FRAS1: variants seen among roughly 807,000 people sequenced by gnomAD.
The protein encoded by FRAS1 is Fraser extracellular matrix complex subunit 1.
In FRAS1, 290 loss-of-function variants were observed where a neutral mutation model predicts 435.2. The observed-to-expected ratio is 0.67, with a 90% CI of 0.61 to 0.73. The LOEUF is 0.73. Ranked by LOEUF, FRAS1 falls within the 30% of genes least tolerant of loss-of-function variation. The pLI is 0.00. For synonymous variants in FRAS1, 1,800 were observed against 1,851.0 expected (o/e 0.97, Z 0.71); for missense variants, 4,860 against 5,001.5 (o/e 0.97, Z 0.85).
intron 4 of FRAS1, among the ~76,000 whole-genome samples, chr4:78,245,711 T>C (rs1328481952): frequency 1.3e-5 from 2 of 152,208 alleles, no homozygotes; most frequent in African/African-American, 4.8e-5. Context: ...TGCAAAGAGC[T>C]TAGGTACTTG....
At chr4:78,538,545 C>T (rs947719444) in intron 72 of FRAS1, among the ~76,000 whole-genome samples, 2 of 152,150 alleles carry the variant, frequency 1.3e-5, no homozygotes, top group Non-Finnish European at 2.9e-5. Flanking sequence ...CATTGACTTA[C>T]AGTTCAGCAT....
chr4:78,237,692 A>C (rs921530823), intron 3 of FRAS1, 75 bp downstream of exon 3: 1 of 667,326 alleles, frequency 1.5e-6, no homozygotes, highest in Non-Finnish European at 2.4e-6. Context: ...CATTTCAGAC[A>C]TCTGTTTTTG....
Position 78,359,461 on chromosome 4 carries a change from CTTA to C in FRAS1, c.2423-4046_2423-4044del, listed in dbSNP as rs368219435. Among the ~76,000 whole-genome samples the C allele has an allele frequency of 8.9e-4, 136 of 152,226 alleles. 1 individual carries two copies. The East Asian group carries it at 0.012, about 13-fold the overall frequency. ...AAAAGTGTTCCCTAGGTTTTGGGGA[CTTA>C]TTATTCTTTTTGGCTTGATTTAATA... On this transcript the variant is annotated intron_variant, in intron 20 of 73. Coordinates refer to ENST00000512123, the MANE Select transcript of FRAS1 (RefSeq NM_025074.7).
intron 27 of FRAS1, among the ~76,000 whole-genome samples, chr4:78,382,067 A>G (rs1258076911): frequency 6.6e-6 from 1 of 152,148 alleles, no homozygotes; most frequent in Non-Finnish European, 1.5e-5. Flanking sequence ...ATTCTTTAGG[A>G]TTGGATTCCT....
At chr4:78,281,939 G>C (rs1448399237) in intron 11 of FRAS1, among the ~76,000 whole-genome samples, 1 of 152,132 alleles carries the variant, frequency 6.6e-6, no homozygotes, top group South Asian at 2.1e-4. Flanking sequence ...ATCTCAAGAC[G>C]GGTCCGCTTT....
At chr4:78,337,216 C>G (rs1578260434) in intron 19 of FRAS1, among the ~76,000 whole-genome samples, 1 of 152,104 alleles carries the variant, frequency 6.6e-6, no homozygotes, top group East Asian at 1.9e-4. Flanking sequence ...AGAGAAGTTG[C>G]AGTATAGTTT....
chr4:78,287,667 G>A lies in FRAS1; in HGVS notation c.1534+1128G>A, dbSNP rs566669054. 5.3e-5 allele frequency among the ~76,000 whole-genome samples: 8 copies of A among 152,262 alleles called. 2 individuals are homozygous for A. The highest frequency in any genetic ancestry group is 1.9e-4 in the African/African-American group (8 of 41,534). On this transcript the variant is annotated intron_variant, in intron 14 of 73. Coordinates refer to ENST00000512123, the MANE Select transcript of FRAS1 (RefSeq NM_025074.7). ...AAATCATTTGCAGGAAAATGATTGA[G>A]GTTAAAAAGGCTAAGTTCATGGTAT...
In FRAS1 at chr4:78,245,408, G is replaced by T. The variant is rs149844522; in HGVS notation, c.309+83G>T. On this transcript the variant is annotated intron_variant, in intron 4 of 73. Transcript: ENST00000512123. ...AGCTGAATGTTAAACTTGTGTTGATGAGAGTTTTTTTCTTTGCCTGGATTG... is the reference window on the plus strand; with the variant it reads ...AGCTGAATGTTAAACTTGTGTTGATTAGAGTTTTTTTCTTTGCCTGGATTG... 29 of 999,892 alleles carry T rather than the reference G, an allele frequency of 2.9e-5. No homozygotes were observed. The East Asian group carries it at 7.3e-4, about 25-fold the overall frequency. The allele number at this position is 999,892 out of a possible 1,614,324, so 61.9% of individuals were successfully genotyped here.
intron 2 of FRAS1, among the ~76,000 whole-genome samples, chr4:78,118,354 C>T (rs144110622): frequency 0.061 from 9,257 of 152,228 alleles, 763 homozygotes; most frequent in African/African-American, 0.19. Flanking sequence ...CTCTCCTCAA[C>T]GCTGTCAGAC....
chr4:78,407,628 G>A (rs1733150669), intron 30 of FRAS1, 35 bp from the exon 31 acceptor site: 1 of 1,544,372 alleles, frequency 6.5e-7, no homozygotes, highest in Non-Finnish European at 8.7e-7. Context: ...TTTTCCTAGG[G>A]ACCCTCACTA....
chr4:78,207,231 TCTTTTGTTGTTTTCTTTTGGAGA>T lies in FRAS1; in HGVS notation c.109-30276_109-30254del, dbSNP rs1213701555. ...TACTTCAATTAAAACTTTTTCTTCT[TCTTTTGTTGTTTTCTTTTGGAGA>T]CTAATCCAAGGAGAATAAGAATGCA... is the stretch of plus-strand genomic sequence containing the variant. On this transcript the variant is annotated intron_variant, in intron 2 of 73. Transcript: ENST00000512123. Among the ~76,000 whole-genome samples, 6 of 152,226 alleles carry T rather than the reference TCTTTTGTTGTTTTCTTTTGGAGA, an allele frequency of 3.9e-5. No homozygotes were observed. In the South Asian group the frequency reaches 1.2e-3, roughly 32 times the overall value.
chr4:78,093,847 A>G (rs1043099205), intron 2 of FRAS1, among the ~76,000 whole-genome samples: 10 of 152,284 alleles, frequency 6.6e-5, no homozygotes, highest in East Asian at 3.9e-4. Context: ...ATTTTTGGTT[A>G]TTTCTGTTAA....
chr4:78,472,847 T>G (rs975193611), intron 52 of FRAS1, among the ~76,000 whole-genome samples: 10 of 152,164 alleles, frequency 6.6e-5, no homozygotes, highest in Non-Finnish European at 1.5e-4. Context: ...CCTCTAGACT[T>G]TTTTCAGGAT....
Position 78,304,068 on chromosome 4 carries a change from G to A in FRAS1, c.1535-3998G>A, listed in dbSNP as rs555276359. ...TTATTGAGAGTTTTTAGCATGAAGT[G>A]TTGTTGAATTTTGTCAAAGGCCTTT... On this transcript the variant is annotated intron_variant, in intron 14 of 73. Transcript: ENST00000512123. Among the ~76,000 whole-genome samples, 786 of 150,632 alleles carry A rather than the reference G, an allele frequency of 5.2e-3. 6 individuals are homozygous for A. Among genetic ancestry groups the A allele is most frequent in the African/African-American group, 0.018 (739 of 40,854 alleles).
chr4:78,267,947 T>G lies in FRAS1; in HGVS notation c.981+515T>G, dbSNP rs547837800. On this transcript the variant is annotated intron_variant, in intron 9 of 73. Coordinates refer to ENST00000512123, the MANE Select transcript of FRAS1 (RefSeq NM_025074.7). The stretch of plus-strand genomic sequence containing the variant: ...GAGCAAAGGGGACCTTATAAACAAT[T>G]AACTCCATTGACCTCTGTTAACCTC... Among the ~76,000 whole-genome samples the G allele has an allele frequency of 4.6e-5, 7 of 152,356 alleles. 1 individual carries two copies. Among genetic ancestry groups the G allele is most frequent in the African/African-American group, 1.7e-4 (7 of 41,578 alleles).
chr4:78,058,790 A>G (rs1739599991), intron 1 of FRAS1, among the ~76,000 whole-genome samples: 1 of 152,240 alleles, frequency 6.6e-6, no homozygotes, highest in African/African-American at 2.4e-5. Flanking sequence ...GAGAAAAGGA[A>G]GCCGTGAGAC....
intron 2 of FRAS1, among the ~76,000 whole-genome samples, chr4:78,160,819 A>G (rs1721106766): frequency 6.6e-6 from 1 of 152,184 alleles, no homozygotes; most frequent in Non-Finnish European, 1.5e-5. Context: ...TGCAAGCATA[A>G]AATGACATAA....
intron 24 of FRAS1, among the ~76,000 whole-genome samples, chr4:78,373,198 A>G (rs1731582951): frequency 6.6e-6 from 1 of 152,136 alleles, no homozygotes; most frequent in Admixed American, 6.5e-5. Context: ...ATTTGGGCAC[A>G]TAGGAAGACC....
intron 65 of FRAS1, among the ~76,000 whole-genome samples, chr4:78,514,823 T>C (rs537826732): frequency 2.0e-5 from 3 of 152,132 alleles, no homozygotes; most frequent in Admixed American, 1.3e-4. Context: ...TCCTAGCACT[T>C]TGGGAGGCTG....
Sources: gnomAD v4.1 joint callset for allele counts (sites outside exome capture counted in the v4.1 genomes callset) on GRCh38, gnomAD v4.1.1 for gene constraint, MANE v1.5 for transcripts, NCBI Gene and HGNC (gene_info 2026-07-23, HGNC 2026-07-21) for gene names.